RBFOX2: variants seen among roughly 807,000 people sequenced by gnomAD.
RBFOX2 encodes RNA binding protein fox-1 homolog 2.
A neutral mutation model predicts 49.1 loss-of-function variants in RBFOX2; 10 were observed. That is an observed-to-expected ratio of 0.20 (90% CI 0.13 to 0.35). RBFOX2 has a LOEUF of 0.35. Among genes scored for constraint, RBFOX2 ranks in the 10% least tolerant of loss-of-function variants. The pLI, the probability that RBFOX2 is intolerant of heterozygous loss-of-function variation, is 1.00. For synonymous variants in RBFOX2, 183 were observed against 187.4 expected, an observed-to-expected ratio of 0.98 and a Z score of 0.19; for missense variants, 323 against 486.9, an observed-to-expected ratio of 0.66 and a Z score of 3.17.
chr22:35,837,301 G>A (rs1957843827), intron 1 of RBFOX2, among the ~76,000 whole-genome samples: 1 of 152,078 alleles, frequency 6.6e-6, no homozygotes, highest in African/African-American at 2.4e-5. Context: ...CTACAGAGAT[G>A]GTATCATCTG....
intron 1 of RBFOX2, among the ~76,000 whole-genome samples, chr22:35,854,822 G>T (rs922384322): frequency 1.8e-4 from 28 of 151,700 alleles, no homozygotes; most frequent in African/African-American, 6.3e-4. Flanking sequence ...GCTATAATTT[G>T]AAGACTAATA....
intron 1 of RBFOX2, among the ~76,000 whole-genome samples, chr22:35,868,343 T>C (rs962405801): frequency 6.6e-6 from 1 of 152,210 alleles, no homozygotes; most frequent in Non-Finnish European, 1.5e-5. Flanking sequence ...AATACTAATA[T>C]GTAGAACCTT....
chr22:35,961,686 C>T (rs2056224439), upstream of RBFOX2: 5 of 1,302,936 alleles, frequency 3.8e-6, no homozygotes, highest in Non-Finnish European at 5.1e-6. Flanking sequence ...AACCTCACCT[C>T]CTCCTGCTTC....
intron 1 of RBFOX2, among the ~76,000 whole-genome samples, chr22:35,867,480 GTAT>G (rs886149223): frequency 6.6e-6 from 1 of 152,170 alleles, no homozygotes; most frequent in Non-Finnish European, 1.5e-5. Context: ...GCTTTACAAT[GTAT>G]TCTTTGCGTT....
At chr22:35,853,697 G>A (rs552774242) in intron 1 of RBFOX2, among the ~76,000 whole-genome samples, 1 of 143,100 alleles carries the variant, frequency 7.0e-6, no homozygotes, top group East Asian at 1.9e-4. Context: ...GTGTGTGTGT[G>A]TGTGTGTAGC....
chr22:35,982,750 T>C (rs1218856377), intron 1 of RBFOX2, among the ~76,000 whole-genome samples: 1 of 151,968 alleles, frequency 6.6e-6, no homozygotes, highest in Non-Finnish European at 1.5e-5. Flanking sequence ...ATAGAGTGTT[T>C]TAGAACAAAA....
rs2054259129 is a variant in RBFOX2 at position 35,946,190 on chromosome 22, G to C, written c.43-7293C>G. Among the ~76,000 whole-genome samples, 3 of 152,160 alleles carry C rather than the reference G, an allele frequency of 2.0e-5. No individual in the cohort carries two copies. In the South Asian group the frequency reaches 6.2e-4, roughly 32 times the overall value. On this transcript the variant is annotated intron_variant, in intron 1 of 5. Transcript: ENST00000408983. Reference sequence around the variant, plus strand: ...GGTGAGGAAGCTGAGACTTAGAGAAGTGCCTTGCCCACAGTCACTCAAACT... The same window carrying C: ...GGTGAGGAAGCTGAGACTTAGAGAACTGCCTTGCCCACAGTCACTCAAACT...
At chr22:35,872,775 G>A (rs1280589243) in intron 1 of RBFOX2, among the ~76,000 whole-genome samples, 2 of 152,162 alleles carry the variant, frequency 1.3e-5, no homozygotes, top group African/African-American at 4.8e-5. Flanking sequence ...CTGGCTGCCT[G>A]TATGTCTGCC....
At chr22:35,948,426 CAGTG>C (rs1266905100) in intron 1 of RBFOX2, among the ~76,000 whole-genome samples, 4 of 152,148 alleles carry the variant, frequency 2.6e-5, no homozygotes, top group African/African-American at 9.7e-5. Context: ...TGGCCAGGCA[CAGTG>C]ACTCACTCCT....
chr22:35,822,558 T>C (rs2148479843), intron 1 of RBFOX2, among the ~76,000 whole-genome samples: 1 of 152,294 alleles, frequency 6.6e-6, no homozygotes, highest in Non-Finnish European at 1.5e-5. Context: ...CCTCTGTGAA[T>C]TTGCTTTCTG....
rs542547746 is a variant in RBFOX2 at position 35,840,068 on chromosome 22, T to G, written c.27+124A>C. The G allele has an allele frequency of 2.2e-5, 29 of 1,316,362 alleles. 2 individuals carry two copies. The South Asian group carries it at 3.5e-4, about 16-fold the overall frequency. 81.5% of individuals were successfully genotyped at this position (1,316,362 alleles called of 1,614,324 possible). Reference sequence around the variant, plus strand: ...ACACAGACTTTTCAGCTGATAACAATAAATCTGGTCTGTTCTAAGAAGACA... The same window carrying G: ...ACACAGACTTTTCAGCTGATAACAAGAAATCTGGTCTGTTCTAAGAAGACA... On this transcript the variant is annotated intron_variant, in intron 1 of 11. Transcript: ENST00000405409.
chr22:35,976,189 T>C (rs906875653), intron 1 of RBFOX2, among the ~76,000 whole-genome samples: 1 of 152,224 alleles, frequency 6.6e-6, no homozygotes, highest in African/African-American at 2.4e-5. Flanking sequence ...AGCTCCCTGT[T>C]TGATTTCAGC....
chr22:35,778,063 G>C, exon 4 of RBFOX2: 1 of 1,613,168 alleles, frequency 6.2e-7, no homozygotes. Flanking sequence ...TCTACATCTA[G>C]GATTTTGCCA....
intron 1 of RBFOX2, among the ~76,000 whole-genome samples, chr22:36,017,620 T>C (rs1451664023): frequency 1.3e-5 from 2 of 152,212 alleles, no homozygotes; most frequent in African/African-American, 4.8e-5. Flanking sequence ...GCTGATCAAA[T>C]AGTTCTCACC....
intron 4 of RBFOX2, among the ~76,000 whole-genome samples, chr22:35,772,076 T>C (rs1446190277): frequency 6.6e-6 from 1 of 152,128 alleles, no homozygotes. Flanking sequence ...GTATAATATA[T>C]GTAACAAATA....
At chr22:35,974,641 C>T (rs1185795693) in intron 1 of RBFOX2, among the ~76,000 whole-genome samples, 1 of 152,022 alleles carries the variant, frequency 6.6e-6, no homozygotes, top group Non-Finnish European at 1.5e-5. Flanking sequence ...GAGCCGAGAT[C>T]GCACCACTGC....
intron 1 of RBFOX2, among the ~76,000 whole-genome samples, chr22:35,900,091 G>T (rs2048384669): frequency 6.6e-6 from 1 of 152,164 alleles, no homozygotes; most frequent in African/African-American, 2.4e-5. Context: ...CTCTGCCTCT[G>T]ACTCCAATAA....
chr22:35,824,629 T>C (rs1170145158), intron 1 of RBFOX2, among the ~76,000 whole-genome samples: 2 of 152,180 alleles, frequency 1.3e-5, no homozygotes, highest in Non-Finnish European at 2.9e-5. Context: ...GGAAAACCTA[T>C]CTCAACTTAA....
intron 1 of RBFOX2, among the ~76,000 whole-genome samples, chr22:35,983,297 C>A (rs1201142159): frequency 2.6e-5 from 4 of 152,136 alleles, no homozygotes; most frequent in African/African-American, 9.7e-5. Flanking sequence ...TACTACCCGC[C>A]CCCTACCAGG....
Sources: allele counts gnomAD v4.1 joint callset (sites outside exome capture counted in the v4.1 genomes callset), GRCh38; gene constraint gnomAD v4.1.1; transcripts MANE v1.5; gene names NCBI Gene and HGNC (gene_info 2026-07-23, HGNC 2026-07-21).